NLRC4: variants seen among roughly 807,000 people sequenced by gnomAD.
The protein encoded by NLRC4 is NLR family CARD domain-containing protein 4.
In NLRC4, 63 loss-of-function variants were observed where a neutral mutation model predicts 79.9. That is an observed-to-expected ratio of 0.79 (90% CI 0.64 to 0.97). NLRC4 has a LOEUF of 0.97. Ranked by LOEUF, NLRC4 falls within the 50% of genes least tolerant of loss-of-function variation. The pLI, the probability that NLRC4 is intolerant of heterozygous loss-of-function variation, is 0.00. For synonymous variants in NLRC4, 461 were observed against 456.5 expected, an observed-to-expected ratio of 1.01 and a Z score of -0.12; for missense variants, 1,074 against 1,215.2, an observed-to-expected ratio of 0.88 and a Z score of 1.73.
chr2:32,260,225 A>AC (rs1462022765), intron 1 of NLRC4, among the ~76,000 whole-genome samples: 2 of 151,174 alleles, frequency 1.3e-5, no homozygotes, highest in Admixed American at 6.6e-5. Context: ...AAAAAAAAAA[A>AC]AAAAAAAACA....
intron 5 of NLRC4, among the ~76,000 whole-genome samples, chr2:32,238,771 C>G (rs1403318791): frequency 6.6e-6 from 1 of 152,140 alleles, no homozygotes; most frequent in Non-Finnish European, 1.5e-5. Flanking sequence ...GATATGGGGC[C>G]TGCCTGAAGC....
chr2:32,247,150 C>T (rs1488618567), intron 4 of NLRC4, among the ~76,000 whole-genome samples: 1 of 152,140 alleles, frequency 6.6e-6, no homozygotes, highest in Admixed American at 6.5e-5. Context: ...TAGCTCCTAG[C>T]TCCTGCAGGT....
chr2:32,231,778 T>C (rs1487721370), intron 8 of NLRC4, among the ~76,000 whole-genome samples: 1 of 151,944 alleles, frequency 6.6e-6, no homozygotes, highest in Non-Finnish European at 1.5e-5. Context: ...CAGACTGGGC[T>C]CGGACTCCTG....
chr2:32,238,492 A>T (rs143789053), intron 5 of NLRC4, among the ~76,000 whole-genome samples, 190 bp from the exon 6 acceptor site: 1 of 152,284 alleles, frequency 6.6e-6, no homozygotes, highest in East Asian at 1.9e-4. Context: ...AGTCTCTTGG[A>T]CCACACAAAA....
At chr2:32,252,990 C>A (rs886862228) in intron 2 of NLRC4, among the ~76,000 whole-genome samples, 1 of 151,650 alleles carries the variant, frequency 6.6e-6, no homozygotes, top group African/African-American at 2.4e-5. Flanking sequence ...TGCACTCCGG[C>A]CTGGGCGAAA....
In NLRC4 at chr2:32,250,127, A is replaced by G. The variant is rs1304499337; in HGVS notation, c.1737T>C (p.Phe579=). 1 of 1,614,046 alleles carries G rather than the reference A, an allele frequency of 6.2e-7. No individual in the cohort carries two copies. The highest frequency in any genetic ancestry group is 1.3e-5 in the African/African-American group (1 of 74,920). Residue 579 remains phenylalanine, a synonymous_variant, in exon 4 of 9, where the codon TTT becomes TTC. Coordinates refer to ENST00000402280, the MANE Select transcript of NLRC4 (RefSeq NM_001199138.2). The surrounding 1 kb of genome is among the most constrained non-coding windows in gnomAD (Gnocchi z 4.9). ...AGTTGATATATAAGCTTTTACCTTG[A>G]AAGAAAGCTTCAAATTCTTGGCTCA... ...SALSQEFEAF[F]QGKSLYINSG... is the part of the protein sequence containing the mutation.
At chr2:32,253,229 A>C (rs949146827) in intron 2 of NLRC4, among the ~76,000 whole-genome samples, 5 of 151,460 alleles carry the variant, frequency 3.3e-5, no homozygotes, top group Non-Finnish European at 5.9e-5. Flanking sequence ...GGCTCACTGC[A>C]AGCTCTGCCT....
At chr2:32,259,056 C>A (rs866947934) in intron 1 of NLRC4, among the ~76,000 whole-genome samples, 1 of 151,964 alleles carries the variant, frequency 6.6e-6, no homozygotes, top group African/African-American at 2.4e-5. Context: ...CTTGGGAACT[C>A]ATGTGGATGG....
intron 1 of NLRC4, among the ~76,000 whole-genome samples, chr2:32,259,262 A>ATTTTTTTTTTTTTTTT (rs57570626): frequency 2.1e-4 from 11 of 52,898 alleles, no homozygotes; most frequent in Admixed American, 4.4e-4. Flanking sequence ...TGCCTGGCTA[A>ATTTTTTTTTTTTTTTT]TTTTTTTTTT....
At chr2:32,242,510 T>G (rs1346789744) in intron 4 of NLRC4, among the ~76,000 whole-genome samples, 2 of 152,222 alleles carry the variant, frequency 1.3e-5, no homozygotes, top group African/African-American at 4.8e-5. Flanking sequence ...GAAATTGAAT[T>G]TGTTATCTAA....
At chr2:32,231,243 C>T (rs187875261) in intron 8 of NLRC4, among the ~76,000 whole-genome samples, 4 of 152,022 alleles carry the variant, frequency 2.6e-5, no homozygotes, top group Non-Finnish European at 5.9e-5. Flanking sequence ...CAACCTCTGC[C>T]TCCAGGATTC....
At position 32,235,585 on chromosome 2, in the gene NLRC4, G is replaced by C; in HGVS notation, c.2615-17C>G. The stretch of plus-strand genomic sequence containing the variant: ...TCCTGTCGACTGGAAGAAACAAAGA[G>C]CAGTTCAGGGACTGGATGGTCTCAA... On this transcript the variant is annotated splice_polypyrimidine_tract_variant and intron_variant, in intron 7 of 8. Coordinates refer to ENST00000402280, the MANE Select transcript of NLRC4 (RefSeq NM_001199138.2). The C allele has an allele frequency of 6.2e-7, 1 of 1,611,104 alleles. No individual in the cohort carries two copies. Among genetic ancestry groups the C allele is most frequent in the South Asian group, 1.1e-5 (1 of 90,958 alleles).
At chr2:32,231,321 AT>A (rs912989037) in intron 8 of NLRC4, among the ~76,000 whole-genome samples, 1 of 149,516 alleles carries the variant, frequency 6.7e-6, no homozygotes, top group African/African-American at 2.5e-5. Flanking sequence ...CGCCCGGCTA[AT>A]TTTTTTGTAT....
chr2:32,230,884 T>C (rs1686516665), intron 8 of NLRC4, among the ~76,000 whole-genome samples: 1 of 152,184 alleles, frequency 6.6e-6, no homozygotes, highest in African/African-American at 2.4e-5. Context: ...ACATTCTAAC[T>C]ACCAGCATAT....
chr2:32,257,581 T>C (rs1014033783), intron 1 of NLRC4, among the ~76,000 whole-genome samples: 1 of 140,548 alleles, frequency 7.1e-6, no homozygotes, highest in African/African-American at 2.7e-5. Flanking sequence ...CATCCCAGCC[T>C]GGCAGACAGA....
chr2:32,255,781 G>A (rs1028267852), intron 2 of NLRC4, among the ~76,000 whole-genome samples: 3 of 152,082 alleles, frequency 2.0e-5, no homozygotes, highest in Admixed American at 6.5e-5. Flanking sequence ...TTGGGAGGCC[G>A]AGGCGGGTGG....
chr2:32,238,558 T>G (rs1686723454), intron 5 of NLRC4, among the ~76,000 whole-genome samples: 1 of 152,174 alleles, frequency 6.6e-6, no homozygotes, highest in Non-Finnish European at 1.5e-5. Context: ...GTAGTAAATT[T>G]GTAGTCTTTT....
intron 8 of NLRC4, among the ~76,000 whole-genome samples, chr2:32,233,182 AAGGAAGGAAGGAAGGG>A (rs1558447023): frequency 1.8e-5 from 1 of 56,894 alleles, no homozygotes; most frequent in Admixed American, 2.0e-4. Context: ...GGAAGGAAGG[AAGGAAGGAAGGAAGGG>A]AGGGAGGGAA....
chr2:32,227,377 C>T (rs958978871), intron 8 of NLRC4, among the ~76,000 whole-genome samples: 9 of 152,206 alleles, frequency 5.9e-5, no homozygotes, highest in Admixed American at 2.0e-4. Flanking sequence ...CCCTGCCTTC[C>T]ACCTCCTCTG....
Sources: gnomAD v4.1 joint callset for allele counts (sites outside exome capture counted in the v4.1 genomes callset) on GRCh38, gnomAD v4.1.1 for gene constraint, Gnocchi (gnomAD v3.1) non-coding constraint, MANE v1.5 for transcripts, NCBI Gene and HGNC (gene_info 2026-07-23, HGNC 2026-07-21) for gene names.